The following RGS6 variants were observed in gnomAD, a reference collection of about 807,000 sequenced individuals.
RGS6 encodes regulator of G-protein signaling 6.
In RGS6, 30 loss-of-function variants were observed where a neutral mutation model predicts 78.5. That is an observed-to-expected ratio of 0.38 (90% confidence interval 0.29 to 0.52). RGS6 has a LOEUF of 0.52. Ranked by LOEUF, RGS6 falls within the 20% of genes least tolerant of loss-of-function variation. RGS6 has a pLI of 0.85. For synonymous variants in RGS6, 206 were observed against 206.0 expected (o/e 1.00, Z 0.00); for missense variants, 495 against 609.7 (o/e 0.81, Z 1.98).
the RGS6 span, among the ~76,000 whole-genome samples, chr14:72,598,303 G>A: frequency 6.6e-6 from 1 of 152,218 alleles, no homozygotes; most frequent in Non-Finnish European, 1.5e-5. Context: ...ATGACTGAAA[G>A]GGGGAGTGGA....
chr14:72,482,811 G>C (rs1488942815), intron 12 of RGS6, among the ~76,000 whole-genome samples: 1 of 152,202 alleles, frequency 6.6e-6, no homozygotes, highest in African/African-American at 2.4e-5. Context: ...AAGTCACTAA[G>C]CTGGACTAGA....
At chr14:72,111,088 C>A (rs2095751284) in intron 2 of RGS6, among the ~76,000 whole-genome samples, 1 of 152,176 alleles carries the variant, frequency 6.6e-6, no homozygotes, top group Admixed American at 6.5e-5. Flanking sequence ...CTTTTCCTGA[C>A]CACCTTGGCT....
intron 2 of RGS6, among the ~76,000 whole-genome samples, chr14:71,976,317 T>C (rs1471885318): frequency 1.3e-5 from 2 of 151,566 alleles, no homozygotes; most frequent in African/African-American, 4.9e-5. Context: ...TTGTGCAGGT[T>C]AGTTACATAT....
chr14:72,017,881 C>A lies in RGS6; in HGVS notation c.84+53006C>A, dbSNP rs1249871316. Reference sequence around the variant, plus strand: ...TGGTTTGCTGCACACATCATCCTATCGCCTAGGTATTATGCCCAGCATCCA... The same window carrying A: ...TGGTTTGCTGCACACATCATCCTATAGCCTAGGTATTATGCCCAGCATCCA... On this transcript the variant is annotated intron_variant, in intron 2 of 17. Transcript: ENST00000553525. 2.0e-5 allele frequency among the ~76,000 whole-genome samples: 3 copies of A among 152,074 alleles called. No homozygotes were observed. In the East Asian group the frequency reaches 5.8e-4, roughly 29 times the overall value.
chr14:72,104,540 C>T lies in RGS6; in HGVS notation c.84+139665C>T, dbSNP rs568289122. Among the ~76,000 whole-genome samples, 12 of 152,268 alleles carry T rather than the reference C, an allele frequency of 7.9e-5. 1 individual carries two copies. The South Asian group carries it at 2.5e-3, about 32-fold the overall frequency. On this transcript the variant is annotated intron_variant, in intron 2 of 17. Transcript: ENST00000553525. ...AGAATTTCAAAATAGCAGCATTAACCTAACATGACAGATGATATTATTTTT... is the reference window on the plus strand; with the variant it reads ...AGAATTTCAAAATAGCAGCATTAACTTAACATGACAGATGATATTATTTTT...
chr14:72,537,374 A>G, intron 16 of RGS6: 1 of 650,878 alleles, frequency 1.5e-6, no homozygotes, highest in Non-Finnish European at 2.8e-6. Context: ...ACACAACTCC[A>G]GAGTCCTGGA....
chr14:72,410,065 T>A (rs2093287749), intron 3 of RGS6, among the ~76,000 whole-genome samples: 1 of 152,222 alleles, frequency 6.6e-6, no homozygotes, highest in South Asian at 2.1e-4. Flanking sequence ...TTATAATCCT[T>A]TGAGTATATA....
chr14:71,965,555 T>C lies in RGS6; in HGVS notation c.84+680T>C, dbSNP rs371675486. Among the ~76,000 whole-genome samples the C allele has an allele frequency of 1.6e-4, 24 of 152,332 alleles. No homozygotes were observed. In the South Asian group the frequency reaches 4.8e-3, roughly 30 times the overall value. On this transcript the variant is annotated intron_variant, in intron 2 of 17. Coordinates refer to ENST00000553525, the MANE Select transcript of RGS6 (RefSeq NM_001204424.2). ...TAACAGCAACCGGAACTGGTTAGCTTGGACATAGGATGCATTACAAGGAGT... is the reference window on the plus strand; with the variant it reads ...TAACAGCAACCGGAACTGGTTAGCTCGGACATAGGATGCATTACAAGGAGT...
At chr14:72,617,160 T>G in the RGS6 span, among the ~76,000 whole-genome samples, 1 of 152,270 alleles carries the variant, frequency 6.6e-6, no homozygotes, top group South Asian at 2.1e-4. Context: ...CACCTGCACT[T>G]CTGTGGAAAA....
intron 2 of RGS6, among the ~76,000 whole-genome samples, chr14:71,983,982 G>A (rs10138176): frequency 0.47 from 72,097 of 151,994 alleles, 17,313 homozygotes; most frequent in East Asian, 0.54. Flanking sequence ...AAAAAGTAGC[G>A]TGGCACACAG....
intron 2 of RGS6, among the ~76,000 whole-genome samples, chr14:72,034,792 G>A (rs960654019): frequency 2.6e-5 from 4 of 152,104 alleles, no homozygotes; most frequent in Non-Finnish European, 4.4e-5. Context: ...CATCTGGTCC[G>A]GGGCTTTTCT....
At chr14:72,369,486 T>C (rs569271236) in intron 3 of RGS6, among the ~76,000 whole-genome samples, 1 of 152,318 alleles carries the variant, frequency 6.6e-6, no homozygotes, top group East Asian at 1.9e-4. Flanking sequence ...GCAGCAGCCA[T>C]AGAAAACTAA....
At chr14:71,893,536 T>G in the RGS6 span, among the ~76,000 whole-genome samples, 10 of 152,150 alleles carry the variant, frequency 6.6e-5, no homozygotes, top group African/African-American at 2.4e-4. Context: ...GTTTTATTGG[T>G]GATATCAGTT....
At chr14:72,021,687 G>A (rs2153275245) in intron 2 of RGS6, among the ~76,000 whole-genome samples, 1 of 151,820 alleles carries the variant, frequency 6.6e-6, no homozygotes, top group African/African-American at 2.4e-5. Flanking sequence ...GGCCAGGCTG[G>A]TCTCGAACTC....
chr14:72,283,261 C>T (rs143373778), intron 2 of RGS6, among the ~76,000 whole-genome samples: 1 of 152,238 alleles, frequency 6.6e-6, no homozygotes, highest in African/African-American at 2.4e-5. Context: ...TCTTCAAGAT[C>T]CTGATTTCAG....
intron 2 of RGS6, among the ~76,000 whole-genome samples, chr14:72,348,888 C>T (rs754946599): frequency 1.6e-4 from 24 of 152,204 alleles, no homozygotes; most frequent in African/African-American, 9.7e-5. Context: ...CATTTATGGC[C>T]GGGCGTGGTG....
chr14:72,115,195 G>A (rs2153557890), intron 2 of RGS6, among the ~76,000 whole-genome samples: 1 of 152,342 alleles, frequency 6.6e-6, no homozygotes, highest in East Asian at 1.9e-4. Context: ...CTCAGGGTTT[G>A]ATTAGAGAAG....
chr14:72,569,561 T>C (rs148879503), downstream of RGS6, among the ~76,000 whole-genome samples: 3 of 152,024 alleles, frequency 2.0e-5, no homozygotes, highest in Non-Finnish European at 4.4e-5. Flanking sequence ...GCACCTGTAA[T>C]CCCAGCTACC....
At chr14:72,235,118 G>T (rs2050677436) in intron 2 of RGS6, among the ~76,000 whole-genome samples, 1 of 152,178 alleles carries the variant, frequency 6.6e-6, no homozygotes, top group Non-Finnish European at 1.5e-5. Flanking sequence ...GGGGACAGCA[G>T]GTCTTTGCCA....
Sources: allele counts gnomAD v4.1 joint callset (sites outside exome capture counted in the v4.1 genomes callset), GRCh38; gene constraint gnomAD v4.1.1; transcripts MANE v1.5; gene names NCBI Gene and HGNC (gene_info 2026-07-23, HGNC 2026-07-21).